BLTP1: variants seen among roughly 807,000 people sequenced by gnomAD.
BLTP1 encodes fragile site-associated protein.
the BLTP1 span, among the ~76,000 whole-genome samples, chr4:122,322,274 C>T: frequency 2.0e-5 from 3 of 151,714 alleles, no homozygotes; most frequent in Non-Finnish European, 1.5e-5. Context: ...GATATATCCT[C>T]AAGTTCAAAT....
the BLTP1 span, chr4:122,189,800 T>C: frequency 1.1e-6 from 1 of 904,106 alleles, no homozygotes; most frequent in Non-Finnish European, 1.3e-6. Context: ...AAGTCCAACA[T>C]AGAATAAAAC....
chr4:122,349,448 A>G, the BLTP1 span: 3 of 1,576,670 alleles, frequency 1.9e-6, no homozygotes, highest in Non-Finnish European at 2.6e-6. This position sits in a 1 kb window ranked among gnomAD's most constrained non-coding sequence, Gnocchi z 4.5. Flanking sequence ...TTTCTATTTT[A>G]GCTCATATTT....
chr4:122,355,601 G>A, the BLTP1 span: 1 of 150,200 alleles, frequency 6.7e-6, no homozygotes, highest in African/African-American at 2.5e-5. Flanking sequence ...ATATACATAT[G>A]TATATATATA....
chr4:122,185,294 A>G, the BLTP1 span: 16 of 981,562 alleles, frequency 1.6e-5, no homozygotes, highest in Non-Finnish European at 1.8e-5. Flanking sequence ...TTCAATAGAG[A>G]TAAAAATGGA....
chr4:122,161,071 T>C, the BLTP1 span: 4 of 872,304 alleles, frequency 4.6e-6, no homozygotes, highest in Non-Finnish European at 5.5e-6. Context: ...GTACTTAACC[T>C]TACTTGGTGA....
At chr4:122,275,452 G>A in the BLTP1 span, among the ~76,000 whole-genome samples, 45 of 151,980 alleles carry the variant, frequency 3.0e-4, no homozygotes, top group Admixed American at 4.6e-4. Context: ...TGGATTCCAC[G>A]AATCCTTCAT....
chr4:122,249,368 A>T, the BLTP1 span: 1 of 1,441,248 alleles, frequency 6.9e-7, no homozygotes, highest in Non-Finnish European at 9.2e-7. Context: ...TATCTTTTTG[A>T]CAGAGCACTA....
the BLTP1 span, chr4:122,226,816 G>T: frequency 6.2e-7 from 1 of 1,609,052 alleles, no homozygotes; most frequent in South Asian, 1.1e-5. Flanking sequence ...GGAATTGATC[G>T]TCGGTTCTGT....
chr4:122,289,623 C>G, the BLTP1 span: 1 of 985,154 alleles, frequency 1.0e-6, no homozygotes, highest in Non-Finnish European at 1.2e-6. Flanking sequence ...GAATAGCTTA[C>G]AGTTGAGCTT....
At chr4:122,356,655 G>A in the BLTP1 span, 1 of 1,613,728 alleles carries the variant, frequency 6.2e-7, no homozygotes, top group Non-Finnish European at 8.5e-7. Flanking sequence ...AATGTAGTGT[G>A]GTGACAGAGT....
At chr4:122,192,138 A>G in the BLTP1 span, 1 of 1,430,996 alleles carries the variant, frequency 7.0e-7, no homozygotes, top group South Asian at 1.5e-5. Context: ...AGGTTTCCTG[A>G]GACCAAAAAA....
At chr4:122,187,476 A>T in the BLTP1 span, 20 of 1,612,384 alleles carry the variant, frequency 1.2e-5, no homozygotes, top group East Asian at 4.0e-4. Flanking sequence ...CTTCATGGAG[A>T]TCACTTATTC....
chr4:122,235,800 G>A, the BLTP1 span, among the ~76,000 whole-genome samples: 14 of 151,494 alleles, frequency 9.2e-5, no homozygotes, highest in Non-Finnish European at 2.1e-4. Context: ...GCGAGACTCC[G>A]TCTCAAAAAA....
At chr4:122,285,559 C>G in the BLTP1 span, among the ~76,000 whole-genome samples, 815 of 152,110 alleles carry the variant, frequency 5.4e-3, 4 homozygotes, top group African/African-American at 0.018. Flanking sequence ...CTAACTCATT[C>G]TAGGTGCAAA....
chr4:122,346,634 A>G, the BLTP1 span: 1 of 1,612,528 alleles, frequency 6.2e-7, no homozygotes, highest in African/African-American at 1.3e-5. Flanking sequence ...TGTTTGTGAT[A>G]TAGGGTCTGC....
chr4:122,284,714 T>C, the BLTP1 span, among the ~76,000 whole-genome samples: 3 of 152,310 alleles, frequency 2.0e-5, no homozygotes, highest in South Asian at 4.1e-4. Context: ...TACAAAGATA[T>C]TTACAGAACT....
At chr4:122,334,518 C>A in the BLTP1 span, 1 of 1,612,728 alleles carries the variant, frequency 6.2e-7, no homozygotes, top group Non-Finnish European at 8.5e-7. Context: ...CACCTTACTT[C>A]CTCCCCAGCC....
chr4:122,263,030 A>G, the BLTP1 span: 1 of 1,572,060 alleles, frequency 6.4e-7, no homozygotes, highest in South Asian at 1.2e-5. Context: ...TTACGGGGGA[A>G]TTGAGATGAA....
chr4:122,212,739 G>A, the BLTP1 span, among the ~76,000 whole-genome samples: 4 of 152,108 alleles, frequency 2.6e-5, no homozygotes, highest in Non-Finnish European at 4.4e-5. Context: ...TGCAGATGTA[G>A]CCATTGCTGA....
Sources: allele counts gnomAD v4.1 joint callset (sites outside exome capture counted in the v4.1 genomes callset), GRCh38; gene constraint gnomAD v4.1.1; non-coding constraint Gnocchi (gnomAD v3.1); transcripts MANE v1.5; gene names NCBI Gene and HGNC (gene_info 2026-07-23, HGNC 2026-07-21).